Variants in TRIP12 observed in about 807,000 individuals in gnomAD.
The protein encoded by TRIP12 is thyroid hormone receptor interactor 12.
TRIP12 carries 25 observed loss-of-function variants against 244.2 expected under a neutral mutation model. The observed-to-expected ratio is 0.10, with a 90% CI of 0.07 to 0.14. TRIP12 has a LOEUF of 0.14. TRIP12 is among the 10% of genes least tolerant of loss of function. TRIP12 has a pLI of 1.00. For missense variants in TRIP12, 1,677 were observed against 2,486.4 expected (o/e 0.67, Z 6.92); for synonymous variants, 905 against 873.1 (o/e 1.04, Z -0.64).
At chr2:229,844,573 CCATG>C (rs1237642671) in intron 4 of TRIP12, among the ~76,000 whole-genome samples, 1 of 152,206 alleles carries the variant, frequency 6.6e-6, no homozygotes, top group Non-Finnish European at 1.5e-5. Flanking sequence ...GTCTCCCCCA[CCATG>C]ATAAAGTATT....
intron 2 of TRIP12, among the ~76,000 whole-genome samples, chr2:229,862,375 C>A (rs1012858543): frequency 6.6e-6 from 1 of 151,996 alleles, no homozygotes; most frequent in Non-Finnish European, 1.5e-5. Context: ...CATAGTTATT[C>A]TAAAAAAGAG....
At chr2:229,814,452 G>A in intron 11 of TRIP12, 127 bp from the exon 12 acceptor site, 2 of 824,438 alleles carry the variant, frequency 2.4e-6, no homozygotes, top group Admixed American at 2.7e-5. Flanking sequence ...ACCATAGGAT[G>A]CAAGTCACTT....
At chr2:229,886,182 A>T (rs2065967899) in intron 1 of TRIP12, among the ~76,000 whole-genome samples, 1 of 152,200 alleles carries the variant, frequency 6.6e-6, no homozygotes, top group African/African-American at 2.4e-5. Context: ...CGTAAGTCAA[A>T]TGTCAAACTC....
intron 9 of TRIP12, among the ~76,000 whole-genome samples, chr2:229,816,294 A>AT (rs1203428774): frequency 2.0e-5 from 3 of 151,660 alleles, no homozygotes; most frequent in Non-Finnish European, 2.9e-5. Context: ...CACAAACAGC[A>AT]TAACACATAC....
intron 8 of TRIP12, among the ~76,000 whole-genome samples, chr2:229,822,122 A>G (rs1357176005): frequency 2.0e-5 from 3 of 152,236 alleles, no homozygotes; most frequent in African/African-American, 4.8e-5. Flanking sequence ...CATGAGCGAC[A>G]AGAGCGAGAC....
intron 2 of TRIP12, among the ~76,000 whole-genome samples, chr2:229,872,182 A>T (rs2062763530): frequency 6.6e-6 from 1 of 151,014 alleles, no homozygotes; most frequent in Non-Finnish European, 1.5e-5. Flanking sequence ...TAATCCCAGC[A>T]CTTTGGCAGG....
chr2:229,897,385 C>T (rs1398484926), intron 1 of TRIP12, among the ~76,000 whole-genome samples: 12 of 152,184 alleles, frequency 7.9e-5, no homozygotes, highest in African/African-American at 2.4e-4. Context: ...CAGTGGCTCA[C>T]GCCTGTAATC....
At chr2:229,888,798 G>C (rs1370890536) in intron 1 of TRIP12, among the ~76,000 whole-genome samples, 1 of 151,564 alleles carries the variant, frequency 6.6e-6, no homozygotes, top group Non-Finnish European at 1.5e-5. Flanking sequence ...GCGAGACTTT[G>C]CCTCCAAAAA....
At chr2:229,870,406 T>C (rs2062345909) in intron 2 of TRIP12, among the ~76,000 whole-genome samples, 1 of 152,168 alleles carries the variant, frequency 6.6e-6, no homozygotes, top group Non-Finnish European at 1.5e-5. Flanking sequence ...CAAGAAGCAG[T>C]AACGTAAGGA....
intron 34 of TRIP12, among the ~76,000 whole-genome samples, chr2:229,783,839 G>A (rs1240549857): frequency 2.0e-5 from 3 of 149,900 alleles, no homozygotes; most frequent in African/African-American, 7.4e-5. Flanking sequence ...GGCCAGGCAC[G>A]GTGGCTCATG....
chr2:229,879,707 T>C (rs2064412701), intron 2 of TRIP12, among the ~76,000 whole-genome samples: 2 of 152,326 alleles, frequency 1.3e-5, no homozygotes, highest in East Asian at 1.9e-4. Flanking sequence ...TTTAACGAAG[T>C]GAAGAGAAAG....
rs1247552454 is a variant in TRIP12, at chr2:229,858,755, C to A, written c.1027+17G>T. ...AACTTTCTTTAATTAAAGAAAAATACCTTTTTGTAAACTTACTTGCTAATT... is the reference window on the plus strand; with the variant it reads ...AACTTTCTTTAATTAAAGAAAAATAACTTTTTGTAAACTTACTTGCTAATT... On this transcript the variant is annotated intron_variant, in intron 4 of 41. Coordinates refer to ENST00000675903, the MANE Select transcript of TRIP12 (RefSeq NM_001348323.3). The A allele has an allele frequency of 6.5e-7, 1 of 1,545,320 alleles. No homozygotes were observed. Among genetic ancestry groups the A allele is most frequent in the African/African-American group, 1.4e-5 (1 of 71,944 alleles).
intron 1 of TRIP12, among the ~76,000 whole-genome samples, chr2:229,909,833 G>A (rs890157949): frequency 6.6e-6 from 1 of 152,162 alleles, no homozygotes; most frequent in Non-Finnish European, 1.5e-5. Flanking sequence ...CAGCCTGGGA[G>A]ACAGAGTGAG....
At chr2:229,904,475 A>G (rs475316) in intron 1 of TRIP12, among the ~76,000 whole-genome samples, 1 of 150,182 alleles carries the variant, frequency 6.7e-6, no homozygotes, top group South Asian at 2.1e-4. Flanking sequence ...TTTAACAATT[A>G]TGGTTAAGTA....
intron 11 of TRIP12, 78 bp from the exon 12 acceptor site, chr2:229,814,403 T>A: frequency 7.1e-7 from 1 of 1,404,590 alleles, no homozygotes; most frequent in Non-Finnish European, 1.0e-6. Context: ...ATATTTTCTC[T>A]AATTTACATC....
intron 1 of TRIP12, among the ~76,000 whole-genome samples, chr2:229,903,762 T>G (rs566364066): frequency 6.6e-6 from 1 of 151,080 alleles, no homozygotes; most frequent in South Asian, 2.1e-4. Context: ...TTACCTGTAA[T>G]CCCAGCACTT....
chr2:229,818,533 A>G (rs1559616943), intron 8 of TRIP12, 21 bp from the exon 9 acceptor site: 4 of 1,604,468 alleles, frequency 2.5e-6, no homozygotes, highest in Non-Finnish European at 3.4e-6. Flanking sequence ...AAAAATAATT[A>G]TTATCTTTAA....
At chr2:229,879,953 T>A in intron 2 of TRIP12, 29 bp downstream of exon 2, 1 of 1,610,988 alleles carries the variant, frequency 6.2e-7, no homozygotes, top group Non-Finnish European at 8.5e-7. Flanking sequence ...TATTCCCAAT[T>A]CCTTTTCAAA....
chr2:229,911,494 C>A (rs2074265159), intron 1 of TRIP12, among the ~76,000 whole-genome samples: 1 of 152,134 alleles, frequency 6.6e-6, no homozygotes, highest in South Asian at 2.1e-4. Context: ...TAAAACTGTG[C>A]TAGATAGGAA....
Sources: gnomAD v4.1 joint callset for allele counts (sites outside exome capture counted in the v4.1 genomes callset) on GRCh38, gnomAD v4.1.1 for gene constraint, MANE v1.5 for transcripts, NCBI Gene and HGNC (gene_info 2026-07-23, HGNC 2026-07-21) for gene names.